The following NCKAP5 variants were observed in gnomAD, a reference collection of about 807,000 sequenced individuals.
NCKAP5 encodes nck-associated protein 5.
Under a neutral mutation model 167.0 loss-of-function variants are expected in NCKAP5, and 92 were observed. The ratio of observed to expected loss-of-function variants is 0.55; its 90% CI spans 0.47 to 0.66. NCKAP5 has a LOEUF of 0.66. Among genes scored for constraint, NCKAP5 ranks in the 30% least tolerant of loss-of-function variants. The pLI is 0.00. For synonymous variants in NCKAP5, 891 were observed against 877.4 expected (o/e 1.02, Z -0.27); for missense variants, 2,378 against 2,315.0 (o/e 1.03, Z -0.56).
chr2:133,005,803 T>A (rs1222682983), intron 6 of NCKAP5, among the ~76,000 whole-genome samples: 1 of 152,208 alleles, frequency 6.6e-6, no homozygotes, highest in East Asian at 1.9e-4. Context: ...GAAAATAATT[T>A]ATAGTGAGGA....
At chr2:133,466,663 G>C (rs993514236) in intron 3 of NCKAP5, among the ~76,000 whole-genome samples, 2 of 152,188 alleles carry the variant, frequency 1.3e-5, no homozygotes, top group Admixed American at 6.5e-5. Context: ...TCTTCCGTTT[G>C]TTTGTATCCT....
intron 19 of NCKAP5, among the ~76,000 whole-genome samples, chr2:132,707,320 C>T (rs896913474): frequency 3.9e-5 from 6 of 152,236 alleles, no homozygotes; most frequent in South Asian, 4.1e-4. Context: ...GCATTTAGAC[C>T]GGCCTTAGCC....
At chr2:133,059,310 T>C (rs2149510488) in intron 6 of NCKAP5, among the ~76,000 whole-genome samples, 1 of 151,982 alleles carries the variant, frequency 6.6e-6, no homozygotes, top group African/African-American at 2.4e-5. Context: ...AAAAAAAATA[T>C]GTATATATTC....
intron 3 of NCKAP5, among the ~76,000 whole-genome samples, chr2:133,351,030 T>C (rs1308361669): frequency 1.3e-5 from 2 of 152,178 alleles, no homozygotes; most frequent in African/African-American, 4.8e-5. Flanking sequence ...AGTTGTAATT[T>C]GACATCTGTG....
At chr2:133,316,748 T>A (rs1280216598) in intron 3 of NCKAP5, among the ~76,000 whole-genome samples, 1 of 152,082 alleles carries the variant, frequency 6.6e-6, no homozygotes, top group East Asian at 1.9e-4. Context: ...GTGCCCAGGA[T>A]CTGATCACAT....
At chr2:133,541,790 T>C (rs924973622) in intron 2 of NCKAP5, among the ~76,000 whole-genome samples, 1 of 151,986 alleles carries the variant, frequency 6.6e-6, no homozygotes, top group South Asian at 2.1e-4. Flanking sequence ...TTTTTTTAAG[T>C]GTCAGATCTT....
chr2:133,575,571 T>G, the NCKAP5 span, among the ~76,000 whole-genome samples: 5 of 152,224 alleles, frequency 3.3e-5, no homozygotes, highest in African/African-American at 1.2e-4. Context: ...ACACTTCTTA[T>G]TTTATAAGAA....
chr2:133,231,146 A>G (rs1274607966), intron 4 of NCKAP5, among the ~76,000 whole-genome samples: 1 of 152,168 alleles, frequency 6.6e-6, no homozygotes, highest in Non-Finnish European at 1.5e-5. Context: ...TGGAGGCTCA[A>G]AGAATAAAGA....
At chr2:133,633,946 T>C in the NCKAP5 span, among the ~76,000 whole-genome samples, 127 of 152,260 alleles carry the variant, frequency 8.3e-4, no homozygotes, top group African/African-American at 3.0e-3. Flanking sequence ...CACTCAGAAG[T>C]GGGTTGCCTC....
intron 8 of NCKAP5, among the ~76,000 whole-genome samples, chr2:132,955,456 C>T (rs982951037): frequency 1.3e-5 from 2 of 152,208 alleles, no homozygotes; most frequent in African/African-American, 4.8e-5. Context: ...TGGTTAAGAT[C>T]AGCTTCATCC....
intron 3 of NCKAP5, among the ~76,000 whole-genome samples, chr2:133,306,568 T>C (rs1026125268): frequency 1.3e-5 from 2 of 152,170 alleles, no homozygotes; most frequent in African/African-American, 2.4e-5. Context: ...AATTAGATTT[T>C]AAAAGATAAT....
Position 133,125,249 on chromosome 2 carries a change from T to C in NCKAP5, c.341+4729A>G, listed in dbSNP as rs2082367565. On this transcript the variant is annotated intron_variant, in intron 6 of 19. Coordinates refer to ENST00000409261, the MANE Select transcript of NCKAP5 (RefSeq NM_207363.3). ...TTTTTTTTTTTGTAAATCACTGTTA[T>C]TTCAACTCAACGTACCCCACCCTAA... 2.6e-5 allele frequency among the ~76,000 whole-genome samples: 4 copies of C among 151,758 alleles called. No homozygotes were observed. In the South Asian group the frequency reaches 8.3e-4, roughly 32 times the overall value.
Position 133,037,379 on chromosome 2 carries a change from T to C in NCKAP5, c.342-43140A>G, listed in dbSNP as rs564970255. Among the ~76,000 whole-genome samples the C allele has an allele frequency of 4.6e-5, 7 of 152,188 alleles. No individual in the cohort carries two copies. In the South Asian group the frequency reaches 1.5e-3, roughly 32 times the overall value. ...AAAGAACAAAACTATAGGAATCACA[T>C]TACTTGACTTCAAATTATTCTACAG... On this transcript the variant is annotated intron_variant, in intron 6 of 19. Coordinates refer to ENST00000409261, the MANE Select transcript of NCKAP5 (RefSeq NM_207363.3).
At chr2:132,949,986 C>T (rs13385048) in intron 8 of NCKAP5, among the ~76,000 whole-genome samples, 9 of 151,958 alleles carry the variant, frequency 5.9e-5, no homozygotes, top group Non-Finnish European at 7.4e-5. Flanking sequence ...CCCATCTACT[C>T]GAGAGGCTGA....
In NCKAP5 at chr2:133,130,098, A is replaced by G. The variant is rs755323035; in HGVS notation, c.221T>C (p.Ile74Thr). Residue 74 changes from isoleucine to threonine, a missense_variant, in exon 6 of 20, where the codon ATA becomes ACA. Physicochemically the swap from Ile to Thr is moderately conservative, Grantham distance 89. This residue lies in a region of NCKAP5 where 1,049 missense variants were observed against 1,023.4 expected (regional missense o/e 1.02). Coordinates refer to ENST00000409261, the MANE Select transcript of NCKAP5 (RefSeq NM_207363.3). ...GTGTCTCTCCTCTTCCAGTTCATGT[A>G]TCAGCTTCTCATGCTATAAAAGACA... ...TSEGAMHEKLIHELEEERHLR... is the reference protein window; with the variant it reads ...TSEGAMHEKLTHELEEERHLR... 1.7e-5 allele frequency: 27 copies of G among 1,609,622 alleles called. No individual in the cohort carries two copies. Among genetic ancestry groups the G allele is most frequent in the Non-Finnish European group, 2.0e-5 (24 of 1,178,792 alleles).
intron 19 of NCKAP5, among the ~76,000 whole-genome samples, chr2:132,693,306 T>C (rs1402558214): frequency 6.6e-6 from 1 of 152,082 alleles, no homozygotes; most frequent in African/African-American, 2.4e-5. Context: ...TAAGTTAAGG[T>C]GGATCATACT....
At chr2:133,581,810 A>G in the NCKAP5 span, among the ~76,000 whole-genome samples, 3,823 of 152,316 alleles carry the variant, frequency 0.025, 55 homozygotes, top group African/African-American at 0.04. Context: ...TTTCGTTGTA[A>G]GTATTGTTAA....
rs143746312 is a variant in NCKAP5, at chr2:132,883,370, G to C, written c.580-4454C>G. Among the ~76,000 whole-genome samples, 13 of 152,068 alleles carry C rather than the reference G, an allele frequency of 8.5e-5. No individual in the cohort carries two copies. In the East Asian group the frequency reaches 2.5e-3, roughly 29 times the overall value. The stretch of plus-strand genomic sequence containing the variant: ...TGCCAGGGTATATCATTTTCACACA[G>C]GCTTCTTCCACCTTTGCCCCCACCC... On this transcript the variant is annotated intron_variant, in intron 8 of 19. Transcript: ENST00000409261.
rs75586281 is a variant in NCKAP5 at position 133,233,622 on chromosome 2, G to T, written c.144-19843C>A. Among the ~76,000 whole-genome samples, 63 of 152,216 alleles carry T rather than the reference G, an allele frequency of 4.1e-4. No individual in the cohort carries two copies. The East Asian group carries it at 0.012, about 28-fold the overall frequency. On this transcript the variant is annotated intron_variant, in intron 4 of 19. Coordinates refer to ENST00000409261, the MANE Select transcript of NCKAP5 (RefSeq NM_207363.3). ...CAATTTTATATACCAAGTGCAGCCT[G>T]ATGAGCTATTTCAAAGCCTATGTTG...
Sources: gnomAD v4.1 joint callset for allele counts (sites outside exome capture counted in the v4.1 genomes callset) on GRCh38, gnomAD v4.1.1 for gene constraint, gnomAD v4.1.1 regional missense constraint, MANE v1.5 for transcripts, NCBI Gene and HGNC (gene_info 2026-07-23, HGNC 2026-07-21) for gene names.